Variants in CASD1 observed in about 807,000 individuals in gnomAD.
The protein encoded by CASD1 is CAS1 domain sialic acid O acetyltransferase 1.
In CASD1, 41 loss-of-function variants were observed where a neutral mutation model predicts 100.0. The ratio of observed to expected loss-of-function variants is 0.41; its 90% CI spans 0.32 to 0.53. CASD1 has a LOEUF of 0.53. CASD1 is among the 20% of genes least tolerant of loss of function. The probability of loss-of-function intolerance (pLI) is 0.25; values close to 1 mark genes in which losing one functional copy is unlikely to be tolerated. For missense variants in CASD1, 774 were observed against 948.7 expected, an observed-to-expected ratio of 0.82 and a Z score of 2.42; for synonymous variants, 321 against 315.6, an observed-to-expected ratio of 1.02 and a Z score of -0.18.
intron 15 of CASD1, 54 bp downstream of exon 15, chr7:94,551,532 G>A (rs1380587178): frequency 1.4e-6 from 1 of 733,158 alleles, no homozygotes; most frequent in African/African-American, 1.9e-5. Context: ...TTAACATTAA[G>A]ATATGGAAAT....
intron 7 of CASD1, among the ~76,000 whole-genome samples, chr7:94,534,136 CA>C (rs1167398045): frequency 6.9e-6 from 1 of 145,520 alleles, no homozygotes; most frequent in African/African-American, 2.5e-5. Flanking sequence ...GAAATATATA[CA>C]AAAAATATTA....
intron 3 of CASD1, among the ~76,000 whole-genome samples, chr7:94,521,337 A>C (rs76666012): frequency 0.015 from 2,225 of 152,308 alleles, 48 homozygotes; most frequent in African/African-American, 0.051. Context: ...ATGGTTTAAG[A>C]AAATAGTAAA....
chr7:94,601,002 A>G, the CASD1 span: 4 of 715,146 alleles, frequency 5.6e-6, no homozygotes, highest in Non-Finnish European at 9.6e-6. Flanking sequence ...TGAATTTGCA[A>G]GTATTTATTG....
the CASD1 span, among the ~76,000 whole-genome samples, chr7:94,584,455 A>G: frequency 6.6e-6 from 1 of 152,212 alleles, no homozygotes; most frequent in Non-Finnish European, 1.5e-5. Flanking sequence ...GAGAACCTAC[A>G]TCCTCTGTCC....
At chr7:94,514,667 C>T (rs1793884008) in intron 1 of CASD1, among the ~76,000 whole-genome samples, 1 of 151,896 alleles carries the variant, frequency 6.6e-6, no homozygotes, top group Non-Finnish European at 1.5e-5. Flanking sequence ...ATTGACAAAC[C>T]AGAATGCTTA....
chr7:94,536,542 G>A (rs1795130189), intron 8 of CASD1, among the ~76,000 whole-genome samples: 1 of 152,064 alleles, frequency 6.6e-6, no homozygotes, highest in Non-Finnish European at 1.5e-5. Flanking sequence ...TGTACATATG[G>A]TTCTCCATAT....
At chr7:94,580,463 ATT>A in the CASD1 span, among the ~76,000 whole-genome samples, 1 of 151,940 alleles carries the variant, frequency 6.6e-6, no homozygotes, top group South Asian at 2.1e-4. Flanking sequence ...TCATCTTAGC[ATT>A]TTCTTTCTTT....
intron 3 of CASD1, among the ~76,000 whole-genome samples, chr7:94,523,639 C>T (rs932288257): frequency 2.0e-5 from 3 of 152,104 alleles, no homozygotes; most frequent in East Asian, 1.9e-4. Flanking sequence ...ATTCCCAAAC[C>T]GATCTGTAGG....
chr7:94,527,373 T>A (rs1332049191), intron 4 of CASD1, among the ~76,000 whole-genome samples, 167 bp downstream of exon 4: 1 of 152,198 alleles, frequency 6.6e-6, no homozygotes, highest in Non-Finnish European at 1.5e-5. Context: ...CTCAAAATTT[T>A]ATTTGGAAAG....
At chr7:94,590,063 A>T in the CASD1 span, 3 of 152,084 alleles carry the variant, frequency 2.0e-5, no homozygotes, top group Non-Finnish European at 4.4e-5. Context: ...AGATTTCTTA[A>T]TGTGGCCTGG....
chr7:94,603,522 A>G, the CASD1 span: 6 of 1,450,072 alleles, frequency 4.1e-6, no homozygotes, highest in East Asian at 1.4e-4. Context: ...ATCCACCTTA[A>G]AAGCAGGATT....
chr7:94,599,047 ATTTTTATC>A, the CASD1 span: 2 of 993,418 alleles, frequency 2.0e-6, no homozygotes, highest in African/African-American at 1.6e-5. Context: ...CTTATGAAGT[ATTTTTATC>A]TTTTAAAATA....
the CASD1 span, chr7:94,621,709 AAGG>A: frequency 1.1e-3 from 163 of 152,324 alleles, 1 homozygote; most frequent in African/African-American, 3.6e-3. Context: ...ATGAATTCCT[AAGG>A]AGGAAGGAAA....
At chr7:94,518,163 A>G (rs1020889187) in intron 2 of CASD1, 40 bp from the exon 3 acceptor site, 4 of 1,467,048 alleles carry the variant, frequency 2.7e-6, no homozygotes, top group Non-Finnish European at 3.6e-6. Flanking sequence ...AGGATGGCTG[A>G]TTTTACTTAT....
At chr7:94,511,636 T>G (rs970812773) in intron 1 of CASD1, among the ~76,000 whole-genome samples, 1 of 152,228 alleles carries the variant, frequency 6.6e-6, no homozygotes, top group Non-Finnish European at 1.5e-5. Context: ...TAACTACTAT[T>G]AATCATTTTA....
At position 94,549,536 on chromosome 7, in the gene CASD1, G is replaced by T. The variant is rs1248646156; in HGVS notation, c.1717G>T (p.Ala573Ser). Residue 573 changes from alanine (A) to serine (S), a missense_variant, in exon 14 of 18, where the codon GCA (alanine) becomes TCA (serine). Physicochemically the swap from Ala to Ser is moderately conservative, Grantham distance 99. Around this residue, in one of 5 missense-constraint regions of CASD1, gnomAD observed 453 missense variants for 532.6 expected, o/e 0.85. Transcript: ENST00000297273. Reference protein sequence around the residue: ...FICFLAYSQGAFEKIFSLWPL... With the variant: ...FICFLAYSQGSFEKIFSLWPL... ...TTTTCTGGATTCCTTTTTTCAGGGT[G>T]CATTTGAGAAGATCTTTTCTCTTTG... 6.2e-7 allele frequency: 1 copy of T among 1,602,932 alleles called. No homozygotes were observed.
the CASD1 span, chr7:94,587,010 A>C: frequency 2.5e-5 from 25 of 983,278 alleles, no homozygotes; most frequent in East Asian, 2.5e-3. Flanking sequence ...AGAAAACAAG[A>C]AGGTAATAGG....
rs147173762 is a variant in CASD1, at chr7:94,549,828, A to G, written c.1815+194A>G. On this transcript the variant is annotated intron_variant, in intron 14 of 17. Coordinates refer to ENST00000297273, the MANE Select transcript of CASD1 (RefSeq NM_022900.5). ...TGAAAGGGTATGCATGTGTATATATATATCTGCTGGGAAATATTATTTTAA... is the reference window on the plus strand; with the variant it reads ...TGAAAGGGTATGCATGTGTATATATGTATCTGCTGGGAAATATTATTTTAA... Among the ~76,000 whole-genome samples the G allele has an allele frequency of 4.6e-5, 7 of 152,154 alleles. No homozygotes were observed. The East Asian group carries it at 1.2e-3, about 25-fold the overall frequency.
intron 8 of CASD1, among the ~76,000 whole-genome samples, chr7:94,537,149 GA>G (rs1000407262): frequency 4.5e-4 from 63 of 141,104 alleles, no homozygotes; most frequent in Admixed American, 7.8e-4. Flanking sequence ...GTGTTGGGAA[GA>G]AAAAAAAAAA....
Sources: gnomAD v4.1 joint callset for allele counts (sites outside exome capture counted in the v4.1 genomes callset) on GRCh38, gnomAD v4.1.1 for gene constraint, gnomAD v4.1.1 regional missense constraint, MANE v1.5 for transcripts, NCBI Gene and HGNC (gene_info 2026-07-23, HGNC 2026-07-21) for gene names.